The following SLC24A2 variants were observed in gnomAD, a reference collection of about 807,000 sequenced individuals.
The protein encoded by SLC24A2 is solute carrier family 24 member 2, also known as sodium/potassium/calcium exchanger 2.
Under a neutral mutation model 62.0 loss-of-function variants are expected in SLC24A2, and 36 were observed. The ratio of observed to expected loss-of-function variants is 0.58; its 90% CI spans 0.44 to 0.77. The LOEUF is 0.77. SLC24A2 is among the 30% of genes least tolerant of loss of function. SLC24A2 has a pLI of 0.00. For missense variants in SLC24A2, 846 were observed against 817.9 expected, an observed-to-expected ratio of 1.03 and a Z score of -0.42; for synonymous variants, 358 against 294.0, an observed-to-expected ratio of 1.22 and a Z score of -2.23.
intron 2 of SLC24A2, among the ~76,000 whole-genome samples, chr9:19,770,065 T>A (rs1485573388): frequency 1.3e-5 from 2 of 151,236 alleles, no homozygotes; most frequent in Non-Finnish European, 3.0e-5. Flanking sequence ...ATGCAGTCTA[T>A]ATTGTCCCAT....
At chr9:19,552,659 C>T (rs928426550) in intron 7 of SLC24A2, among the ~76,000 whole-genome samples, 2 of 152,182 alleles carry the variant, frequency 1.3e-5, no homozygotes, top group African/African-American at 4.8e-5. Context: ...AGCAACTTTT[C>T]TCTCGACTTC....
chr9:19,989,201 A>T, the SLC24A2 span, among the ~76,000 whole-genome samples: 11 of 152,116 alleles, frequency 7.2e-5, no homozygotes, highest in African/African-American at 2.7e-4. Context: ...ATATAAGGAG[A>T]GAATATTATA....
chr9:20,043,277 T>C, the SLC24A2 span, among the ~76,000 whole-genome samples: 24 of 152,206 alleles, frequency 1.6e-4, 1 homozygote, highest in Admixed American at 6.5e-5. Flanking sequence ...ACAAACTTAT[T>C]ACCTATATGG....
intron 3 of SLC24A2, among the ~76,000 whole-genome samples, chr9:19,620,620 C>A (rs754233144): frequency 2.0e-5 from 3 of 152,182 alleles, no homozygotes; most frequent in African/African-American, 7.2e-5. Flanking sequence ...CCTAAAAACT[C>A]CCAAACCCTC....
intron 2 of SLC24A2, among the ~76,000 whole-genome samples, chr9:19,763,507 T>C (rs1373379227): frequency 1.3e-5 from 2 of 151,828 alleles, no homozygotes; most frequent in Non-Finnish European, 2.9e-5. Flanking sequence ...ACCTTGTTTA[T>C]GGAGTGAAGC....
At chr9:19,972,580 G>C in the SLC24A2 span, among the ~76,000 whole-genome samples, 1 of 152,112 alleles carries the variant, frequency 6.6e-6, no homozygotes, top group South Asian at 2.1e-4. Flanking sequence ...CCAGTCCACA[G>C]CGAGATGATA....
At chr9:19,881,900 A>T in the SLC24A2 span, among the ~76,000 whole-genome samples, 1 of 152,196 alleles carries the variant, frequency 6.6e-6, no homozygotes, top group Non-Finnish European at 1.5e-5. Context: ...TGCTTTCTTC[A>T]TACAGTATTA....
At chr9:19,986,263 C>G in the SLC24A2 span, among the ~76,000 whole-genome samples, 1 of 152,042 alleles carries the variant, frequency 6.6e-6, no homozygotes, top group Non-Finnish European at 1.5e-5. Flanking sequence ...TAATCAAAAA[C>G]TAGAAAATAA....
At chr9:19,877,329 T>A in the SLC24A2 span, among the ~76,000 whole-genome samples, 3 of 145,072 alleles carry the variant, frequency 2.1e-5, no homozygotes, top group Admixed American at 6.8e-5. Flanking sequence ...AGTTTGTATA[T>A]GAAAATGGTC....
chr9:19,584,339 G>A (rs890701893), intron 5 of SLC24A2, among the ~76,000 whole-genome samples: 5 of 150,574 alleles, frequency 3.3e-5, no homozygotes, highest in Admixed American at 3.3e-4. Context: ...ACAAAAAACC[G>A]TGCTATGTAC....
intron 2 of SLC24A2, among the ~76,000 whole-genome samples, chr9:19,739,695 G>T (rs1416571165): frequency 6.6e-6 from 1 of 152,110 alleles, no homozygotes; most frequent in African/African-American, 2.4e-5. Context: ...AATGTAAAAG[G>T]TTAATAATTT....
intron 4 of SLC24A2, among the ~76,000 whole-genome samples, chr9:19,600,494 G>C (rs1836814243): frequency 6.6e-6 from 1 of 152,192 alleles, no homozygotes; most frequent in South Asian, 2.1e-4. Flanking sequence ...AGTCCTGAAA[G>C]GTAGGTTATA....
At chr9:19,734,119 C>G (rs1821424009) in intron 2 of SLC24A2, among the ~76,000 whole-genome samples, 2 of 152,098 alleles carry the variant, frequency 1.3e-5, no homozygotes, top group South Asian at 4.1e-4. Flanking sequence ...GCCAGTTTTC[C>G]CAGCACCATT....
intron 2 of SLC24A2, among the ~76,000 whole-genome samples, chr9:19,707,233 A>G (rs1820557748): frequency 6.6e-6 from 1 of 152,178 alleles, no homozygotes; most frequent in Non-Finnish European, 1.5e-5. Flanking sequence ...GAATAGACCA[A>G]TAACAGGCTC....
chr9:20,101,493 T>G, the SLC24A2 span, among the ~76,000 whole-genome samples: 4 of 152,216 alleles, frequency 2.6e-5, no homozygotes, highest in Non-Finnish European at 4.4e-5. Flanking sequence ...TTAAGAAATA[T>G]TAATATATAG....
At chr9:20,079,290 A>G in the SLC24A2 span, among the ~76,000 whole-genome samples, 1 of 152,248 alleles carries the variant, frequency 6.6e-6, no homozygotes, top group East Asian at 1.9e-4. Context: ...CACAAAATTT[A>G]TGGTAATTTG....
the SLC24A2 span, among the ~76,000 whole-genome samples, chr9:20,106,137 G>C: frequency 6.6e-6 from 1 of 152,152 alleles, no homozygotes; most frequent in African/African-American, 2.4e-5. Flanking sequence ...ACCCTCCCAA[G>C]ACTAAACCAG....
the SLC24A2 span, among the ~76,000 whole-genome samples, chr9:19,835,555 G>C: frequency 2.0e-5 from 3 of 152,138 alleles, no homozygotes; most frequent in Admixed American, 6.5e-5. Context: ...ATCCAATACA[G>C]GAGCACCCAG....
chr9:19,847,769 G>C, the SLC24A2 span, among the ~76,000 whole-genome samples: 4 of 151,778 alleles, frequency 2.6e-5, no homozygotes, highest in African/African-American at 7.3e-5. Context: ...GACCCAATTT[G>C]TACTTGTTTA....
Sources: gnomAD v4.1 joint callset for allele counts (sites outside exome capture counted in the v4.1 genomes callset) on GRCh38, gnomAD v4.1.1 for gene constraint, MANE v1.5 for transcripts, NCBI Gene and HGNC (gene_info 2026-07-23, HGNC 2026-07-21) for gene names.